The following ANKRD36 variants were observed in gnomAD, a reference collection of about 807,000 sequenced individuals.
The protein encoded by ANKRD36 is ankyrin repeat domain 36, also known as ankyrin repeat domain-containing protein 36A.
ANKRD36 carries 179 observed loss-of-function variants against 278.1 expected under a neutral mutation model. The observed-to-expected ratio is 0.64, with a 90% CI of 0.57 to 0.73. ANKRD36 has a LOEUF of 0.73. Ranked by LOEUF, ANKRD36 falls within the 30% of genes least tolerant of loss-of-function variation. The probability of loss-of-function intolerance (pLI) is 0.00; values close to 1 mark genes in which losing one functional copy is unlikely to be tolerated. For missense variants in ANKRD36, 1,159 were observed against 1,956.7 expected (o/e 0.59, Z 7.69); for synonymous variants, 320 against 641.1 (o/e 0.50, Z 7.57).
Position 97,192,841 on chromosome 2 carries a change from TC to T in ANKRD36, c.2348-14del, listed in dbSNP as rs2058831694. 6.3e-6 allele frequency: 10 copies of T among 1,599,786 alleles called. No homozygotes were observed. Among genetic ancestry groups the T allele is most frequent in the Non-Finnish European group, 8.5e-6 (10 of 1,174,646 alleles). On this transcript the variant is annotated splice_polypyrimidine_tract_variant and intron_variant, in intron 36 of 75. Coordinates refer to ENST00000420699, the MANE Select transcript of ANKRD36 (RefSeq NM_001354587.1). ...ATAGTTACATATGAGTGATTATGTATCCCTTTTGCTTTTCAGTGTCTTCTCA... is the reference window on the plus strand; with the variant it reads ...ATAGTTACATATGAGTGATTATGTATCCTTTTGCTTTTCAGTGTCTTCTCA...
intron 44 of ANKRD36, 39 bp downstream of exon 44, chr2:97,198,697 G>A: frequency 6.6e-7 from 1 of 1,514,958 alleles, no homozygotes; most frequent in Non-Finnish European, 8.9e-7. Context: ...GTTCAGTGCA[G>A]ATAGATAAGA....
chr2:97,170,737 A>G (rs1430548653), intron 22 of ANKRD36, among the ~76,000 whole-genome samples: 2 of 151,890 alleles, frequency 1.3e-5, no homozygotes, highest in African/African-American at 4.8e-5. Context: ...CTGCACAGCA[A>G]AAGAAACTAC....
At chr2:97,211,138 C>T (rs533853137) in intron 56 of ANKRD36, among the ~76,000 whole-genome samples, 1 of 151,810 alleles carries the variant, frequency 6.6e-6, no homozygotes, top group African/African-American at 2.4e-5. Context: ...AATGTTTGTA[C>T]TATAATGGTG....
chr2:97,113,515 G>C lies in ANKRD36; in HGVS notation c.-225G>C. On this transcript the variant is annotated 5_prime_UTR_variant, in exon 1 of 76. Transcript: ENST00000420699. Reference sequence around the variant, plus strand: ...TGCACTGGGCGCGCGAGAGCTGCTAGGGCGGTTTCTCTGCCTCGGGCCTGT... The same window carrying C: ...TGCACTGGGCGCGCGAGAGCTGCTACGGCGGTTTCTCTGCCTCGGGCCTGT... 8.5e-6 allele frequency: 5 copies of C among 585,564 alleles called. No individual in the cohort carries two copies. Among genetic ancestry groups the C allele is most frequent in the Non-Finnish European group, 1.5e-5 (5 of 340,336 alleles). 36.3% of individuals were successfully genotyped at this position (585,564 alleles called of 1,614,324 possible).
At chr2:97,171,006 A>T (rs1244911060) in intron 22 of ANKRD36, among the ~76,000 whole-genome samples, 6 of 151,708 alleles carry the variant, frequency 4.0e-5, no homozygotes, top group Admixed American at 1.3e-4. Context: ...GTGAGATACC[A>T]TCTCACACCA....
Position 97,219,286 on chromosome 2 carries a change from C to T in ANKRD36, c.3877+40C>T, listed in dbSNP as rs2066756592. The T allele has an allele frequency of 2.0e-6, 3 of 1,489,092 alleles. No individual in the cohort carries two copies. In the East Asian group the frequency reaches 7.6e-5, roughly 37 times the overall value. 92.2% of individuals were successfully genotyped at this position (1,489,092 alleles called of 1,614,324 possible). The stretch of plus-strand genomic sequence containing the variant: ...GTAGATTTAACTCTGGAAAGAAGTA[C>T]ATTAATCTGTTTGTAATGCTCATAG... On this transcript the variant is annotated intron_variant, in intron 66 of 75. Transcript: ENST00000420699.
intron 67 of ANKRD36, among the ~76,000 whole-genome samples, chr2:97,227,488 T>G (rs980093087): frequency 6.6e-6 from 1 of 152,124 alleles, no homozygotes; most frequent in African/African-American, 2.4e-5. Flanking sequence ...ATCCTGAGAC[T>G]TTGCTGAAGT....
rs1290811386 is a variant in ANKRD36, at chr2:97,180,549, A to C, written c.1735+616A>C. On this transcript the variant is annotated intron_variant, in intron 24 of 75. Coordinates refer to ENST00000420699, the MANE Select transcript of ANKRD36 (RefSeq NM_001354587.1). ...TGCTCCAAGAACTACTGGAAGCAGG[A>C]AACAGTGCTAGAATCGGGATAAACC... Among the ~76,000 whole-genome samples the C allele has an allele frequency of 1.3e-5, 2 of 151,720 alleles. 1 individual carries two copies. The highest frequency in any genetic ancestry group is 1.3e-4 in the Admixed American group (2 of 15,140).
chr2:97,149,654 A>G (rs1305608863), intron 12 of ANKRD36, among the ~76,000 whole-genome samples: 2 of 152,022 alleles, frequency 1.3e-5, no homozygotes, highest in Non-Finnish European at 2.9e-5. Flanking sequence ...AGTAGAGGAT[A>G]TACAAATTTT....
At chr2:97,208,506 A>G (rs2063485125) in intron 54 of ANKRD36, among the ~76,000 whole-genome samples, 1 of 146,358 alleles carries the variant, frequency 6.8e-6, no homozygotes, top group Non-Finnish European at 1.5e-5. Flanking sequence ...CATTTATATA[A>G]TTTTGGAGTT....
At chr2:97,123,938 ATAT>A (rs1390813274) in intron 4 of ANKRD36, among the ~76,000 whole-genome samples, 26 of 130,110 alleles carry the variant, frequency 2.0e-4, no homozygotes, top group Non-Finnish European at 3.5e-4. Context: ...CTTGAAGGAT[ATAT>A]TATTATCCTC....
intron 22 of ANKRD36, among the ~76,000 whole-genome samples, chr2:97,175,666 G>T (rs2054023712): frequency 6.6e-6 from 1 of 151,042 alleles, no homozygotes; most frequent in African/African-American, 2.4e-5. Context: ...CCTTCTGCTA[G>T]CTTTTGAATG....
chr2:97,132,134 A>G (rs943556247), intron 6 of ANKRD36, among the ~76,000 whole-genome samples: 70 of 148,962 alleles, frequency 4.7e-4, no homozygotes, highest in Admixed American at 1.1e-3. Context: ...GCCTACTAAT[A>G]CATTTTAGAG....
At chr2:97,162,873 A>C (rs1482918658) in intron 18 of ANKRD36, among the ~76,000 whole-genome samples, 16 of 152,100 alleles carry the variant, frequency 1.1e-4, no homozygotes, top group Non-Finnish European at 2.9e-5. Context: ...CTGCTATGCT[A>C]TAGCATATCA....
intron 22 of ANKRD36, among the ~76,000 whole-genome samples, chr2:97,179,365 G>A (rs1029591288): frequency 6.6e-6 from 1 of 151,602 alleles, no homozygotes; most frequent in African/African-American, 2.4e-5. Flanking sequence ...AAGACATGCG[G>A]ATGCGTGTAT....
In ANKRD36 at chr2:97,215,981, AAAG is replaced by A. The variant is rs2065829722; in HGVS notation, c.3673+491_3673+493del. Among the ~76,000 whole-genome samples, 5 of 152,110 alleles carry A rather than the reference AAAG, an allele frequency of 3.3e-5. No homozygotes were observed. The South Asian group carries it at 1.0e-3, about 32-fold the overall frequency. Reference sequence around the variant, plus strand: ...GGGATTGTGAGGCAGGAAGGAGAGAAAAGAAGAAGTTATTTATGTAATTTTGGG... The same window carrying A: ...GGGATTGTGAGGCAGGAAGGAGAGAAAAGAAGTTATTTATGTAATTTTGGG... On this transcript the variant is annotated intron_variant, in intron 62 of 75. Transcript: ENST00000420699.
chr2:97,225,997 T>A (rs1220664530), intron 67 of ANKRD36, among the ~76,000 whole-genome samples: 4 of 151,832 alleles, frequency 2.6e-5, no homozygotes, highest in African/African-American at 9.7e-5. Flanking sequence ...GGTGTCTATG[T>A]GCCATATTTT....
chr2:97,139,417 G>A (rs2042317506), intron 6 of ANKRD36, among the ~76,000 whole-genome samples: 1 of 151,958 alleles, frequency 6.6e-6, no homozygotes, highest in Admixed American at 6.6e-5. Context: ...TTGTAGAAAA[G>A]TTCAGACAGT....
At chr2:97,115,808 T>G (rs2035155729) in intron 1 of ANKRD36, among the ~76,000 whole-genome samples, 1 of 151,352 alleles carries the variant, frequency 6.6e-6, no homozygotes. Flanking sequence ...CTAAAATATC[T>G]CTAGGAAATA....
Sources: allele counts gnomAD v4.1 joint callset (sites outside exome capture counted in the v4.1 genomes callset), GRCh38; gene constraint gnomAD v4.1.1; transcripts MANE v1.5; gene names NCBI Gene and HGNC (gene_info 2026-07-23, HGNC 2026-07-21).